The following NPAS3 variants were observed in gnomAD, a reference collection of about 807,000 sequenced individuals.
The protein encoded by NPAS3 is neuronal PAS domain-containing protein 3.
A neutral mutation model predicts 73.1 loss-of-function variants in NPAS3; 14 were observed. That is an observed-to-expected ratio of 0.19 (90% CI 0.13 to 0.30). The LOEUF (loss-of-function observed/expected upper bound fraction) is 0.30, where lower values mean the gene tolerates loss of function less well. NPAS3 is among the 10% of genes least tolerant of loss of function. The pLI is 1.00. For missense variants in NPAS3, 1,096 were observed against 1,250.0 expected, an observed-to-expected ratio of 0.88 and a Z score of 1.86; for synonymous variants, 620 against 541.5, an observed-to-expected ratio of 1.14 and a Z score of -2.01.
chr14:33,477,548 A>T (rs1850629900), intron 4 of NPAS3, among the ~76,000 whole-genome samples: 1 of 152,054 alleles, frequency 6.6e-6, no homozygotes, highest in Non-Finnish European at 1.5e-5. Flanking sequence ...ACATACACAC[A>T]GCACACACAC....
At chr14:33,189,856 A>G (rs1243224732) in intron 2 of NPAS3, among the ~76,000 whole-genome samples, 2 of 152,228 alleles carry the variant, frequency 1.3e-5, no homozygotes, top group African/African-American at 4.8e-5. Flanking sequence ...AGGAATACAA[A>G]TGCAACTTTT....
At chr14:33,537,206 G>C (rs2054295775) in intron 4 of NPAS3, among the ~76,000 whole-genome samples, 1 of 152,134 alleles carries the variant, frequency 6.6e-6, no homozygotes, top group African/African-American at 2.4e-5. Flanking sequence ...TTCTGCTTAA[G>C]ATCAATAAAT....
intron 3 of NPAS3, among the ~76,000 whole-genome samples, chr14:33,285,113 G>C (rs2041820724): frequency 6.6e-6 from 1 of 152,130 alleles, no homozygotes; most frequent in South Asian, 2.1e-4. Flanking sequence ...TGGAAAATGA[G>C]AACATACTTT....
intron 2 of NPAS3, among the ~76,000 whole-genome samples, chr14:33,201,412 A>G (rs965447587): frequency 6.6e-6 from 1 of 152,072 alleles, no homozygotes; most frequent in Non-Finnish European, 1.5e-5. Context: ...TGTCTTTGTA[A>G]AGATGCTGTT....
At chr14:33,292,888 G>A (rs1018259837) in intron 3 of NPAS3, among the ~76,000 whole-genome samples, 2 of 152,152 alleles carry the variant, frequency 1.3e-5, no homozygotes, top group Admixed American at 1.3e-4. Context: ...TCTTGGTGAG[G>A]TCTTAAAGTT....
At chr14:33,785,690 C>A (rs1193894705) in intron 9 of NPAS3, among the ~76,000 whole-genome samples, 1 of 152,018 alleles carries the variant, frequency 6.6e-6, no homozygotes, top group South Asian at 2.1e-4. Context: ...ACAGTTTTCC[C>A]ATACATGCAG....
At chr14:32,982,534 A>C (rs1281450972) in intron 1 of NPAS3, among the ~76,000 whole-genome samples, 1 of 152,034 alleles carries the variant, frequency 6.6e-6, no homozygotes, top group Non-Finnish European at 1.5e-5. Context: ...ACATAGTGAG[A>C]TCTCATCTCT....
chr14:33,470,668 C>G (rs541056493), intron 4 of NPAS3, among the ~76,000 whole-genome samples: 16 of 152,206 alleles, frequency 1.1e-4, no homozygotes, highest in African/African-American at 3.9e-4. Context: ...TAACAGTTGC[C>G]AAAGGATCTT....
intron 3 of NPAS3, 44 bp from the exon 4 acceptor site, chr14:33,367,142 T>C: frequency 1.3e-6 from 1 of 796,322 alleles, no homozygotes; most frequent in African/African-American, 1.7e-5. Context: ...GAATCAGAGC[T>C]CCAACTTAAT....
At chr14:33,715,883 T>C (rs1455234460) in intron 6 of NPAS3, among the ~76,000 whole-genome samples, 2 of 152,322 alleles carry the variant, frequency 1.3e-5, no homozygotes, top group South Asian at 4.1e-4. Flanking sequence ...GATGGTTTTA[T>C]AAAGAGCAGT....
chr14:33,010,416 A>G (rs922927881), intron 1 of NPAS3, among the ~76,000 whole-genome samples: 9 of 152,362 alleles, frequency 5.9e-5, no homozygotes, highest in Middle Eastern at 3.4e-3. Context: ...GTTCTCCTTC[A>G]CACTAACTTT....
At chr14:33,235,805 C>CTT (rs35968798) in intron 3 of NPAS3, among the ~76,000 whole-genome samples, 32,245 of 80,126 alleles carry the variant, frequency 0.4, 9,412 homozygotes, top group South Asian at 0.6. Context: ...TGATACAATT[C>CTT]TTTTTTTTTT....
intron 4 of NPAS3, among the ~76,000 whole-genome samples, chr14:33,486,442 A>G (rs551399623): frequency 6.6e-6 from 1 of 152,210 alleles, no homozygotes; most frequent in East Asian, 1.9e-4. Flanking sequence ...TTACTTAACT[A>G]CTCAAATCAC....
intron 2 of NPAS3, among the ~76,000 whole-genome samples, chr14:33,180,086 C>T (rs932137510): frequency 7.2e-5 from 11 of 152,174 alleles, no homozygotes; most frequent in African/African-American, 2.7e-4. Context: ...GAAATAGCTG[C>T]ATATCCCTAT....
chr14:33,087,875 A>G (rs761141059), intron 2 of NPAS3, among the ~76,000 whole-genome samples: 12 of 152,174 alleles, frequency 7.9e-5, no homozygotes, highest in Non-Finnish European at 1.6e-4. Flanking sequence ...CCAAAATAAG[A>G]AATGTGTTTA....
intron 3 of NPAS3, among the ~76,000 whole-genome samples, chr14:33,282,092 G>T (rs922719984): frequency 6.6e-6 from 1 of 152,144 alleles, no homozygotes; most frequent in Non-Finnish European, 1.5e-5. Context: ...AAGCAGTAAT[G>T]CTAAAGCCAG....
At chr14:33,588,954 A>G (rs1350425377) in intron 5 of NPAS3, among the ~76,000 whole-genome samples, 3 of 152,152 alleles carry the variant, frequency 2.0e-5, no homozygotes, top group African/African-American at 7.2e-5. Flanking sequence ...CACAAGGTGA[A>G]TCAGAATAGC....
At position 33,215,025 on chromosome 14, in the gene NPAS3, G is replaced by A. The variant is rs553252634; in HGVS notation, c.141-157G>A. ...CAGAGTTAGAGTTTATGGCTTTAGT[G>A]GACATTTTCTGGAACTCATTTTACT... is the stretch of plus-strand genomic sequence containing the variant. On this transcript the variant is annotated intron_variant, in intron 2 of 11. Transcript: ENST00000356141. 31 of 713,166 alleles carry A rather than the reference G, an allele frequency of 4.3e-5. No individual in the cohort carries two copies. In the East Asian group the frequency reaches 5.3e-4, roughly 12 times the overall value. The allele number at this position is 713,166 out of a possible 1,614,324, so 44.2% of individuals were successfully genotyped here.
intron 1 of NPAS3, among the ~76,000 whole-genome samples, chr14:32,942,309 C>G (rs2036050760): frequency 6.6e-6 from 1 of 152,102 alleles, no homozygotes; most frequent in African/African-American, 2.4e-5. Context: ...TATGAAATGT[C>G]TAACCTGTGT....
Sources: gnomAD v4.1 joint callset for allele counts (sites outside exome capture counted in the v4.1 genomes callset) on GRCh38, gnomAD v4.1.1 for gene constraint, MANE v1.5 for transcripts, NCBI Gene and HGNC (gene_info 2026-07-23, HGNC 2026-07-21) for gene names.